The following PPTC7 variants were observed in gnomAD, a reference collection of about 807,000 sequenced individuals.
The protein encoded by PPTC7 is protein phosphatase PTC7 homolog.
PPTC7 carries 6 observed loss-of-function variants against 30.8 expected under a neutral mutation model. The ratio of observed to expected loss-of-function variants is 0.19; its 90% CI spans 0.11 to 0.38. The LOEUF is 0.38. Among genes scored for constraint, PPTC7 ranks in the 10% least tolerant of loss-of-function variants. The pLI is 1.00. For missense variants in PPTC7, 218 were observed against 404.8 expected, an observed-to-expected ratio of 0.54 and a Z score of 3.96; for synonymous variants, 163 against 168.1, an observed-to-expected ratio of 0.97 and a Z score of 0.23.
intron 1 of PPTC7, among the ~76,000 whole-genome samples, chr12:110,569,672 A>G (rs1329425653): frequency 2.0e-5 from 3 of 152,264 alleles, no homozygotes; most frequent in Non-Finnish European, 4.4e-5. Context: ...TAGGAAAAGA[A>G]AACAAAACAA....
chr12:110,555,515 T>C (rs1211387578), intron 1 of PPTC7, among the ~76,000 whole-genome samples: 1 of 152,218 alleles, frequency 6.6e-6, no homozygotes, highest in East Asian at 1.9e-4. Context: ...ATAACAATGA[T>C]AACAAGTTTA....
At chr12:110,582,265 C>A in intron 1 of PPTC7, among the ~76,000 whole-genome samples, 1 of 152,212 alleles carries the variant, frequency 6.6e-6, no homozygotes, top group East Asian at 1.9e-4. Context: ...CAGCCCCCAC[C>A]GCCACACTCC....
intron 3 of PPTC7, 44 bp downstream of exon 3, chr12:110,545,836 G>T (rs776125158): frequency 6.3e-7 from 1 of 1,582,126 alleles, no homozygotes; most frequent in Non-Finnish European, 8.7e-7. Flanking sequence ...GACTATGAAT[G>T]AGCCACGTCC....
chr12:110,555,646 A>G (rs550762174), intron 1 of PPTC7, among the ~76,000 whole-genome samples: 1 of 152,360 alleles, frequency 6.6e-6, no homozygotes, highest in South Asian at 2.1e-4. Context: ...GCGTGCAGAC[A>G]TTTGGTATCC....
chr12:110,551,344 G>A (rs1283907206), intron 2 of PPTC7, among the ~76,000 whole-genome samples: 4 of 152,114 alleles, frequency 2.6e-5, no homozygotes, highest in Admixed American at 1.3e-4. Flanking sequence ...TTAGCCTATA[G>A]TTTCTCTTTT....
chr12:110,558,486 C>T (rs1321841057), intron 1 of PPTC7, among the ~76,000 whole-genome samples: 1 of 152,216 alleles, frequency 6.6e-6, no homozygotes, highest in Admixed American at 6.5e-5. Flanking sequence ...TCTGTGAGCA[C>T]ACATCTAGCT....
At chr12:110,551,575 G>A (rs929943991) in intron 2 of PPTC7, among the ~76,000 whole-genome samples, 3 of 152,120 alleles carry the variant, frequency 2.0e-5, no homozygotes, top group East Asian at 1.9e-4. Flanking sequence ...TCGAATTCCC[G>A]ACCTCAGGTG....
chr12:110,568,322 G>A (rs1197266819), intron 1 of PPTC7, among the ~76,000 whole-genome samples: 13 of 148,624 alleles, frequency 8.7e-5, no homozygotes, highest in Non-Finnish European at 1.6e-4. Flanking sequence ...CCGCGATCTC[G>A]GCTCACTGCA....
chr12:110,559,192 T>C lies in PPTC7; in HGVS notation c.224-7224A>G, dbSNP rs1199352593. On this transcript the variant is annotated intron_variant, in intron 1 of 5. Coordinates refer to ENST00000354300, the MANE Select transcript of PPTC7 (RefSeq NM_139283.2). Reference sequence around the variant, plus strand: ...GAATGCACCAACACACACAACTCATTTTTTTAAAAATTTTTTTTGTAGAGA... The same window carrying C: ...GAATGCACCAACACACACAACTCATCTTTTTAAAAATTTTTTTTGTAGAGA... Among the ~76,000 whole-genome samples, 5 of 151,968 alleles carry C rather than the reference T, an allele frequency of 3.3e-5. 1 individual carries two copies. The South Asian group carries it at 1.0e-3, about 32-fold the overall frequency.
chr12:110,576,511 T>C (rs2064590138), intron 1 of PPTC7, among the ~76,000 whole-genome samples: 1 of 152,188 alleles, frequency 6.6e-6, no homozygotes, highest in South Asian at 2.1e-4. Flanking sequence ...AAATGTGGTA[T>C]ATAAATATAA....
At chr12:110,557,244 T>C (rs1295991745) in intron 1 of PPTC7, among the ~76,000 whole-genome samples, 1 of 152,192 alleles carries the variant, frequency 6.6e-6, no homozygotes, top group African/African-American at 2.4e-5. Flanking sequence ...AAAAACTTAG[T>C]ACCAACAAAA....
intron 1 of PPTC7, among the ~76,000 whole-genome samples, chr12:110,559,008 T>C (rs1017895734): frequency 3.3e-5 from 5 of 151,944 alleles, no homozygotes. Context: ...TATTAAGTTT[T>C]CCATAGACTG....
intron 1 of PPTC7, among the ~76,000 whole-genome samples, chr12:110,558,019 A>G (rs1424391846): frequency 6.6e-6 from 1 of 152,270 alleles, no homozygotes; most frequent in South Asian, 2.1e-4. Context: ...GAGTGGGGAC[A>G]ATGCCAAAAC....
chr12:110,567,500 C>G (rs2064494892), intron 1 of PPTC7, among the ~76,000 whole-genome samples: 1 of 152,182 alleles, frequency 6.6e-6, no homozygotes. Context: ...GGCTTAGAAC[C>G]CTTAAGGCAT....
intron 1 of PPTC7, among the ~76,000 whole-genome samples, chr12:110,562,286 C>CAAAAAAAAAAA (rs11319526): frequency 2.0e-4 from 7 of 34,726 alleles, no homozygotes; most frequent in Non-Finnish European, 1.4e-4. Flanking sequence ...GACTCCATCT[C>CAAAAAAAAAAA]AAAAAAAAAA....
At chr12:110,568,362 C>A (rs747287832) in intron 1 of PPTC7, among the ~76,000 whole-genome samples, 1 of 151,728 alleles carries the variant, frequency 6.6e-6, no homozygotes, top group Non-Finnish European at 1.5e-5. Context: ...ACGTCATTCT[C>A]CTGCCTCAGC....
intron 1 of PPTC7, among the ~76,000 whole-genome samples, chr12:110,574,932 C>T (rs551589598): frequency 6.6e-6 from 1 of 150,626 alleles, no homozygotes; most frequent in Non-Finnish European, 1.5e-5. Flanking sequence ...GCACTCGCCA[C>T]CATGCCCGGC....
chr12:110,560,661 G>A (rs770521292), intron 1 of PPTC7, among the ~76,000 whole-genome samples: 9 of 152,044 alleles, frequency 5.9e-5, no homozygotes, highest in Non-Finnish European at 8.8e-5. Context: ...CAAAGCAAAC[G>A]TTTTCTAGAA....
intron 5 of PPTC7, 132 bp downstream of exon 5, chr12:110,538,012 T>C (rs1048168144): frequency 2.2e-6 from 2 of 890,826 alleles, no homozygotes; most frequent in African/African-American, 1.7e-5. Context: ...CTGACCTTGC[T>C]GAAAGCCACA....
Sources: allele counts gnomAD v4.1 joint callset (sites outside exome capture counted in the v4.1 genomes callset), GRCh38; gene constraint gnomAD v4.1.1; transcripts MANE v1.5; gene names NCBI Gene and HGNC (gene_info 2026-07-23, HGNC 2026-07-21).